The following CARD14 variants were observed in gnomAD, a reference collection of about 807,000 sequenced individuals.
The protein encoded by CARD14 is caspase recruitment domain-containing protein 14.
A neutral mutation model predicts 111.5 loss-of-function variants in CARD14; 107 were observed. The observed-to-expected ratio is 0.96, with a 90% CI of 0.82 to 1.13. CARD14 has a LOEUF of 1.13. CARD14 is among the 50% of genes most tolerant of loss of function. CARD14 has a pLI of 0.00. For missense variants in CARD14, 1,322 were observed against 1,362.3 expected, an observed-to-expected ratio of 0.97 and a Z score of 0.47; for synonymous variants, 617 against 579.6, an observed-to-expected ratio of 1.06 and a Z score of -0.93.
At chr17:80,181,740 C>T (rs987388739) in intron 5 of CARD14, 91 bp downstream of exon 5, 7 of 1,175,716 alleles carry the variant, frequency 6.0e-6, no homozygotes, top group Admixed American at 2.6e-5. Flanking sequence ...GGTCTCTTCT[C>T]GTCCTGTCTC....
intron 2 of CARD14, among the ~76,000 whole-genome samples, chr17:80,175,636 C>T (rs530272992): frequency 1.4e-4 from 22 of 152,108 alleles, no homozygotes; most frequent in African/African-American, 1.9e-4. Context: ...GGCAGGGAAA[C>T]GCCCAGAGCA....
At position 80,203,797 on chromosome 17, in the gene CARD14, T is replaced by A; in HGVS notation, c.2220-25T>A. Reference sequence around the variant, plus strand: ...GCTCACCTGGCAGGAGGCAGCTGGGTCAGGGCCTCTGCTGGTCTCTGCAGG... The same window carrying A: ...GCTCACCTGGCAGGAGGCAGCTGGGACAGGGCCTCTGCTGGTCTCTGCAGG... On this transcript the variant is annotated intron_variant, in intron 18 of 23. Transcript: ENST00000648509. This position sits in a 1 kb window ranked among gnomAD's most constrained non-coding sequence, Gnocchi z 4.6. 6.4e-7 allele frequency: 1 copy of A among 1,550,858 alleles called. No homozygotes were observed. Among genetic ancestry groups the A allele is most frequent in the Non-Finnish European group, 8.7e-7 (1 of 1,145,804 alleles).
At chr17:80,202,665 CTTAGCT>C in intron 18 of CARD14, 1 of 1,328,382 alleles carries the variant, frequency 7.5e-7, no homozygotes, top group Non-Finnish European at 9.8e-7. Flanking sequence ...CTCTGGGTTT[CTTAGCT>C]TTGGTACCAT....
intron 12 of CARD14, among the ~76,000 whole-genome samples, chr17:80,193,121 G>C (rs139712075): frequency 6.6e-6 from 1 of 152,318 alleles, no homozygotes; most frequent in Non-Finnish European, 1.5e-5. Context: ...CAAAGTCAAA[G>C]TGCTGACAGG....
rs758086629 is a variant in CARD14 at position 80,207,061 on chromosome 17, A to T, written c.2783A>T (p.Asn928Ile). The change falls in exon 23 of 24, where the codon AAC (asparagine) becomes ATC (isoleucine). Residue 928 changes from asparagine to isoleucine, a missense_variant. Asn to Ile is a moderately radical substitution (Grantham distance 149). Transcript: ENST00000648509. ...IFPIVIHVSV[N>I]EKMAKKLKKG... is the part of the protein sequence containing the mutation. ...CCCATCGTCATCCACGTCTCTGTCAACGAGAAGATGGCAAAGAAGCTCAAG... is the reference window on the plus strand; with the variant it reads ...CCCATCGTCATCCACGTCTCTGTCATCGAGAAGATGGCAAAGAAGCTCAAG... 2.5e-6 allele frequency: 4 copies of T among 1,613,890 alleles called. No individual in the cohort carries two copies. Among genetic ancestry groups the T allele is most frequent in the Non-Finnish European group, 2.5e-6 (3 of 1,179,872 alleles).
At chr17:80,205,915 T>G (rs2041275075) in intron 22 of CARD14, 1 of 360,492 alleles carries the variant, frequency 2.8e-6, no homozygotes, top group Non-Finnish European at 5.0e-6. Flanking sequence ...TGTTCGAGAA[T>G]GAATAAATCC....
chr17:80,182,120 C>T lies in CARD14; in HGVS notation c.211+471C>T, dbSNP rs1008672453. Among the ~76,000 whole-genome samples the T allele has an allele frequency of 9.9e-5, 15 of 152,198 alleles. No individual in the cohort carries two copies. The highest frequency in any genetic ancestry group is 2.1e-4 in the South Asian group (1 of 4,822). On this transcript the variant is annotated intron_variant, in intron 5 of 23. Transcript: ENST00000648509. This position sits in a 1 kb window ranked among gnomAD's most constrained non-coding sequence, Gnocchi z 4.7. ...GATAATGTTCATGCATGTTGGCGTA[C>T]GAACCCCAAACACAGGAGAGATTGA...
Position 80,191,361 on chromosome 17 carries a change from C to A in CARD14, c.1128C>A (p.Ser376=). Residue 376 remains serine (S), a synonymous_variant, in exon 11 of 24, where the codon TCC becomes TCA. Transcript: ENST00000648509. ...GGGACAGTGCTCAGAGGGAGATTTC[C>A]CAGAGCCTGGTGGAGAAGGACTCCC... ...SARDSAQREI[S]QSLVEKDSLR... 1 of 1,613,896 alleles carries A rather than the reference C, an allele frequency of 6.2e-7. No individual in the cohort carries two copies. Among genetic ancestry groups the A allele is most frequent in the Non-Finnish European group, 8.5e-7 (1 of 1,179,970 alleles).
rs772414183 is a variant in CARD14, at chr17:80,181,399, C to T, written c.-20-20C>T. The T allele has an allele frequency of 1.3e-6, 2 of 1,538,410 alleles. No homozygotes were observed. Among genetic ancestry groups the T allele is most frequent in the East Asian group, 2.5e-5 (1 of 40,732 alleles). The stretch of plus-strand genomic sequence containing the variant: ...GTCCTGCTTACCTGACAACTCCACC[C>T]CCATGGCCACCCCTCCTAGGGTCCT... On this transcript the variant is annotated intron_variant, in intron 4 of 23. Coordinates refer to ENST00000648509, the MANE Select transcript of CARD14 (RefSeq NM_001366385.1).
Position 80,182,581 on chromosome 17 carries a change from G to T in CARD14, c.212-72G>T. Reference sequence around the variant, plus strand: ...CCCAGCCCCAGGCCTCTCCCCCGTGGGGAAGCCAGCCAGGGAGCCCAGCCC... The same window carrying T: ...CCCAGCCCCAGGCCTCTCCCCCGTGTGGAAGCCAGCCAGGGAGCCCAGCCC... On this transcript the variant is annotated intron_variant, in intron 5 of 23. Transcript: ENST00000648509. The surrounding 1 kb of genome is among the most constrained non-coding windows in gnomAD (Gnocchi z 4.7). 6.3e-7 allele frequency: 1 copy of T among 1,580,800 alleles called. No homozygotes were observed. Among genetic ancestry groups the T allele is most frequent in the East Asian group, 2.3e-5 (1 of 43,644 alleles).
Position 80,201,728 on chromosome 17 carries a change from C to T in CARD14, c.1852-16C>T, listed in dbSNP as rs186883652. 2.2e-4 allele frequency: 361 copies of T among 1,613,878 alleles called. No individual in the cohort carries two copies. In the African/African-American group the frequency reaches 4.5e-3, roughly 20 times the overall value. ...GTCCCGGGGGAAAGAGACTGACCTT[C>T]TCGACTTGCCCTCAGGTTGATTACG... On this transcript the variant is annotated splice_polypyrimidine_tract_variant and intron_variant, in intron 16 of 23. Transcript: ENST00000648509. The surrounding 1 kb of genome is among the most constrained non-coding windows in gnomAD (Gnocchi z 5.0).
At chr17:80,173,384 G>A (rs1280330488) in intron 2 of CARD14, among the ~76,000 whole-genome samples, 156 bp downstream of exon 2, 1 of 151,832 alleles carries the variant, frequency 6.6e-6, no homozygotes, top group Non-Finnish European at 1.5e-5. Context: ...ATGAATGGAT[G>A]GATGGGCACA....
Position 80,208,135 on chromosome 17 carries a change from C to T in CARD14, c.2808-3C>T. Reference sequence around the variant, plus strand: ...CCGCCCCCCCCAACTCTGGCCTGTGCAGGAAGGGCCTACAGCGGTTGGGCA... The same window carrying T: ...CCGCCCCCCCCAACTCTGGCCTGTGTAGGAAGGGCCTACAGCGGTTGGGCA... On this transcript the variant is annotated splice_polypyrimidine_tract_variant and splice_region_variant and intron_variant, in intron 23 of 23. Transcript: ENST00000648509. The T allele has an allele frequency of 1.3e-6, 2 of 1,530,738 alleles. No individual in the cohort carries two copies. The highest frequency in any genetic ancestry group is 1.8e-6 in the Non-Finnish European group (2 of 1,133,772). 94.8% of individuals were successfully genotyped at this position (1,530,738 alleles called of 1,614,324 possible).
At position 80,191,836 on chromosome 17, in the gene CARD14, C is replaced by T. The variant is rs533260231; in HGVS notation, c.1239+364C>T. ...CATTTGCAGTGTAGATGCTGTGTTC[C>T]TGAAATGCTTAAAAGCCCAGCGTCC... On this transcript the variant is annotated intron_variant, in intron 11 of 23. Transcript: ENST00000648509. 5.3e-5 allele frequency among the ~76,000 whole-genome samples: 8 copies of T among 152,262 alleles called. No individual in the cohort carries two copies. In the East Asian group the frequency reaches 1.5e-3, roughly 29 times the overall value.
intron 7 of CARD14, among the ~76,000 whole-genome samples, chr17:80,186,462 A>T (rs1299105984): frequency 6.6e-6 from 1 of 152,150 alleles, no homozygotes; most frequent in African/African-American, 2.4e-5. Flanking sequence ...GCCTCACAAG[A>T]TATTCCAGGG....
At chr17:80,190,712 C>T (rs964012234) in intron 9 of CARD14, 62 bp from the exon 10 acceptor site, 3 of 1,595,860 alleles carry the variant, frequency 1.9e-6, no homozygotes, top group African/African-American at 1.3e-5. Flanking sequence ...CCCCGACCCC[C>T]TTCTAAGGCC....
intron 7 of CARD14, 68 bp downstream of exon 7, chr17:80,184,306 G>A: frequency 7.7e-7 from 1 of 1,305,664 alleles, no homozygotes; most frequent in Non-Finnish European, 1.0e-6. Flanking sequence ...GTACTAGCTG[G>A]TCCATCTCCC....
At position 80,188,656 on chromosome 17, in the gene CARD14, T is replaced by C; in HGVS notation, c.843+112T>C. Reference sequence around the variant, plus strand: ...TTAAGGTGAGGCTAAGAACAAGAGATGAAATTTAGTGACTCATCTCACCCA... The same window carrying C: ...TTAAGGTGAGGCTAAGAACAAGAGACGAAATTTAGTGACTCATCTCACCCA... On this transcript the variant is annotated intron_variant, in intron 8 of 23. Transcript: ENST00000648509. This position sits in a 1 kb window ranked among gnomAD's most constrained non-coding sequence, Gnocchi z 4.5. 1 of 1,103,986 alleles carries C rather than the reference T, an allele frequency of 9.1e-7. No homozygotes were observed. Among genetic ancestry groups the C allele is most frequent in the Non-Finnish European group, 1.2e-6 (1 of 846,260 alleles). 68.4% of individuals were successfully genotyped at this position (1,103,986 alleles called of 1,614,324 possible).
chr17:80,202,046 C>A (rs1198592215), intron 17 of CARD14, 134 bp from the exon 18 acceptor site: 3 of 1,196,060 alleles, frequency 2.5e-6, no homozygotes, highest in Non-Finnish European at 3.6e-6. Flanking sequence ...AACCTCCCAC[C>A]CACTGACTCC....
Sources: allele counts gnomAD v4.1 joint callset (sites outside exome capture counted in the v4.1 genomes callset), GRCh38; gene constraint gnomAD v4.1.1; non-coding constraint Gnocchi (gnomAD v3.1); transcripts MANE v1.5; gene names NCBI Gene and HGNC (gene_info 2026-07-23, HGNC 2026-07-21).